CBFA2T3: variants seen among roughly 807,000 people sequenced by gnomAD.
The protein encoded by CBFA2T3 is transcriptional corepressor CBFA2T3.
Under a neutral mutation model 58.6 loss-of-function variants are expected in CBFA2T3, and 31 were observed. The observed-to-expected ratio is 0.53, with a 90% CI of 0.40 to 0.71. The LOEUF (loss-of-function observed/expected upper bound fraction) is 0.71. Ranked by LOEUF, CBFA2T3 falls within the 30% of genes least tolerant of loss-of-function variation. The pLI is 0.00. For synonymous variants in CBFA2T3, 531 were observed against 421.9 expected (o/e 1.26, Z -3.17); for missense variants, 1,076 against 963.1 (o/e 1.12, Z -1.55).
chr16:88,896,364 C>T (rs1181070738), intron 3 of CBFA2T3, among the ~76,000 whole-genome samples: 4 of 152,192 alleles, frequency 2.6e-5, no homozygotes, highest in African/African-American at 4.8e-5. Flanking sequence ...ATCTTAGCAG[C>T]GCCTTCCTGG....
intron 1 of CBFA2T3, among the ~76,000 whole-genome samples, chr16:88,920,122 G>A (rs1026718377): frequency 3.9e-5 from 6 of 152,186 alleles, no homozygotes; most frequent in African/African-American, 1.4e-4. Flanking sequence ...CCCGAGGCCT[G>A]CCGTCCTCCC....
In CBFA2T3 at chr16:88,915,157, T is replaced by C. The variant is rs565434448; in HGVS notation, c.152-13501A>G. Among the ~76,000 whole-genome samples, 529 of 144,290 alleles carry C rather than the reference T, an allele frequency of 3.7e-3. 3 individuals are homozygous for C. Among genetic ancestry groups the C allele is most frequent in the African/African-American group, 0.013 (493 of 38,580 alleles). 94.7% of individuals were successfully genotyped at this position (144,290 alleles called of 152,430 possible). A position where few individuals can be genotyped will look rare whatever the true frequency, so the allele number is the denominator to read the frequency against. On this transcript the variant is annotated intron_variant, in intron 1 of 11. Coordinates refer to ENST00000268679, the MANE Select transcript of CBFA2T3 (RefSeq NM_005187.6). Reference sequence around the variant, plus strand: ...CGAATTGCAGACAAGCAAGCTTCCGTTGAGGATCCGTGTGCTGGGGGTGCC... The same window carrying C: ...CGAATTGCAGACAAGCAAGCTTCCGCTGAGGATCCGTGTGCTGGGGGTGCC...
chr16:88,928,527 C>A (rs996305867), intron 1 of CBFA2T3, among the ~76,000 whole-genome samples: 4 of 152,200 alleles, frequency 2.6e-5, no homozygotes, highest in African/African-American at 9.7e-5. Flanking sequence ...GCAGCCCAGC[C>A]GCTGTGCAAA....
intron 1 of CBFA2T3, among the ~76,000 whole-genome samples, chr16:88,905,588 G>GC (rs1193390354): frequency 6.6e-6 from 1 of 151,242 alleles, no homozygotes; most frequent in Non-Finnish European, 1.5e-5. Flanking sequence ...GGTTCCCCCA[G>GC]CCCCCGCTTA....
At chr16:88,878,494 G>A (rs879841273) in intron 11 of CBFA2T3, among the ~76,000 whole-genome samples, 4 of 152,240 alleles carry the variant, frequency 2.6e-5, no homozygotes, top group Non-Finnish European at 5.9e-5. Context: ...GAAAAGGGTC[G>A]CGGAGGGTCC....
In CBFA2T3 at chr16:88,885,907, G is replaced by A; in HGVS notation, c.893+54C>T. On this transcript the variant is annotated intron_variant, in intron 6 of 11. Coordinates refer to ENST00000268679, the MANE Select transcript of CBFA2T3 (RefSeq NM_005187.6). This position sits in a 1 kb window ranked among gnomAD's most constrained non-coding sequence, Gnocchi z 5.3. The stretch of plus-strand genomic sequence containing the variant: ...CCTCTCTTACCCAGAGGGGAGCAGG[G>A]TGAGCCGCGTGTCCACGGCACCCCC... 6.8e-7 allele frequency: 1 copy of A among 1,469,262 alleles called. No homozygotes were observed. The highest frequency in any genetic ancestry group is 9.2e-7 in the Non-Finnish European group (1 of 1,081,366). The allele number at this position is 1,469,262 out of a possible 1,614,324, so 91.0% of individuals were successfully genotyped here.
intron 1 of CBFA2T3, among the ~76,000 whole-genome samples, chr16:88,964,705 A>G (rs1050978465): frequency 6.6e-6 from 1 of 151,964 alleles, no homozygotes; most frequent in Admixed American, 6.6e-5. Context: ...CTGCTTCCTT[A>G]CCTTTTTATC....
At chr16:88,893,571 G>A (rs934150716) in intron 3 of CBFA2T3, among the ~76,000 whole-genome samples, 4 of 152,200 alleles carry the variant, frequency 2.6e-5, no homozygotes, top group South Asian at 2.1e-4. Flanking sequence ...TGCCCCTGGC[G>A]GCTGGACACG....
At chr16:88,892,153 G>C in intron 4 of CBFA2T3, 91 bp downstream of exon 4, 2 of 1,493,068 alleles carry the variant, frequency 1.3e-6, no homozygotes, top group Non-Finnish European at 1.8e-6. Context: ...TGTCAGCGTG[G>C]AGCCCATGTA....
intron 1 of CBFA2T3, among the ~76,000 whole-genome samples, chr16:88,967,782 G>T (rs1972552053): frequency 6.6e-6 from 1 of 152,320 alleles, no homozygotes; most frequent in South Asian, 2.1e-4. Flanking sequence ...TCGCGGCTCA[G>T]CCCTCACACT....
At chr16:88,946,627 C>T (rs1466343624) in intron 1 of CBFA2T3, among the ~76,000 whole-genome samples, 1 of 151,806 alleles carries the variant, frequency 6.6e-6, no homozygotes, top group Non-Finnish European at 1.5e-5. Flanking sequence ...GGATTACAGG[C>T]GCCCACCATC....
intron 1 of CBFA2T3, among the ~76,000 whole-genome samples, chr16:88,972,993 C>G (rs1328177502): frequency 6.6e-6 from 1 of 152,232 alleles, no homozygotes; most frequent in African/African-American, 2.4e-5. Flanking sequence ...ACCTCCCTGC[C>G]TCTGGCTGGA....
rs529212265 is a variant in CBFA2T3 at position 88,967,563 on chromosome 16, G to A, written c.151+9094C>T. Among the ~76,000 whole-genome samples, 4 of 152,218 alleles carry A rather than the reference G, an allele frequency of 2.6e-5. No individual in the cohort carries two copies. In the South Asian group the frequency reaches 8.3e-4, roughly 32 times the overall value. Reference sequence around the variant, plus strand: ...CCCCCCAACCCCTTGATCCCATCTCGCCGCCCCCAGGTGGGGTGGCCTTCC... The same window carrying A: ...CCCCCCAACCCCTTGATCCCATCTCACCGCCCCCAGGTGGGGTGGCCTTCC... On this transcript the variant is annotated intron_variant, in intron 1 of 11. Coordinates refer to ENST00000268679, the MANE Select transcript of CBFA2T3 (RefSeq NM_005187.6).
At chr16:88,906,344 C>T (rs1970332408) in intron 1 of CBFA2T3, among the ~76,000 whole-genome samples, 1 of 152,196 alleles carries the variant, frequency 6.6e-6, no homozygotes, top group African/African-American at 2.4e-5. Flanking sequence ...CTCGGAGGCC[C>T]CGTGGGCTAC....
chr16:88,942,876 A>C (rs867370634), intron 1 of CBFA2T3, among the ~76,000 whole-genome samples: 5 of 151,510 alleles, frequency 3.3e-5, no homozygotes, highest in Non-Finnish European at 7.4e-5. Context: ...GTGCTTGCCC[A>C]TGTGGCTCAG....
At chr16:88,966,518 T>C (rs1459006369) in intron 1 of CBFA2T3, among the ~76,000 whole-genome samples, 1 of 151,828 alleles carries the variant, frequency 6.6e-6, no homozygotes, top group Non-Finnish European at 1.5e-5. Context: ...CCAGGCCCAA[T>C]CAACCTCTGG....
Position 88,958,790 on chromosome 16 carries a change from G to A in CBFA2T3, c.151+17867C>T, listed in dbSNP as rs1972294241. Among the ~76,000 whole-genome samples the A allele has an allele frequency of 6.6e-6, 1 of 152,090 alleles. No homozygotes were observed. The highest frequency in any genetic ancestry group is 2.4e-5 in the African/African-American group (1 of 41,426). Reference sequence around the variant, plus strand: ...CGTAGCCCAGGTCTGCGCTGGCTCTGGGCTCTTCCCGCTGCAGGTGTGGGT... The same window carrying A: ...CGTAGCCCAGGTCTGCGCTGGCTCTAGGCTCTTCCCGCTGCAGGTGTGGGT... On this transcript the variant is annotated intron_variant, in intron 1 of 11. Coordinates refer to ENST00000268679, the MANE Select transcript of CBFA2T3 (RefSeq NM_005187.6). The surrounding 1 kb of genome is among the most constrained non-coding windows in gnomAD (Gnocchi z 4.0).
intron 1 of CBFA2T3, among the ~76,000 whole-genome samples, chr16:88,929,427 T>G (rs1971202242): frequency 1.3e-5 from 2 of 152,168 alleles, no homozygotes; most frequent in African/African-American, 4.8e-5. Context: ...AATTTATCCC[T>G]TGAAACCCCG....
At chr16:88,909,621 A>G (rs1181013015) in intron 1 of CBFA2T3, among the ~76,000 whole-genome samples, 1 of 82,862 alleles carries the variant, frequency 1.2e-5, no homozygotes. Context: ...ACAGCTGTTT[A>G]TTTTCCTTCA....
Sources: allele counts gnomAD v4.1 joint callset (sites outside exome capture counted in the v4.1 genomes callset), GRCh38; gene constraint gnomAD v4.1.1; non-coding constraint Gnocchi (gnomAD v3.1); transcripts MANE v1.5; gene names NCBI Gene and HGNC (gene_info 2026-07-23, HGNC 2026-07-21).